Variants in LMO7 observed in about 807,000 individuals in gnomAD.
LMO7 encodes the protein LIM domain only protein 7.
LMO7 carries 120 observed loss-of-function variants against 206.5 expected under a neutral mutation model. The ratio of observed to expected loss-of-function variants is 0.58; its 90% CI spans 0.50 to 0.68. The LOEUF (loss-of-function observed/expected upper bound fraction) is 0.68. LMO7 is among the 30% of genes least tolerant of loss of function. The probability of loss-of-function intolerance (pLI) is 0.00; values close to 1 mark genes in which losing one functional copy is unlikely to be tolerated. For synonymous variants in LMO7, 706 were observed against 681.5 expected (o/e 1.04, Z -0.56); for missense variants, 1,959 against 1,957.9 (o/e 1.00, Z -0.01).
At chr13:75,749,644 T>C (rs2047118427) in intron 3 of LMO7, among the ~76,000 whole-genome samples, 1 of 152,206 alleles carries the variant, frequency 6.6e-6, no homozygotes, top group Non-Finnish European at 1.5e-5. Context: ...TGGCTGTTGC[T>C]CCAGCTCTGC....
exon 1 of LMO7, chr13:75,621,861 C>A: frequency 1.9e-6 from 3 of 1,583,070 alleles, no homozygotes; most frequent in Middle Eastern, 1.7e-4. Context: ...GAGTCTGCAG[C>A]AAAAAAGGTA....
chr13:75,840,970 C>A, intron 22 of LMO7, 139 bp from the exon 23 acceptor site: 1 of 619,138 alleles, frequency 1.6e-6, no homozygotes, highest in Non-Finnish European at 2.8e-6. Context: ...GGACTAAAAT[C>A]TGATTGGCTT....
At chr13:75,805,869 A>G in intron 9 of LMO7, 109 bp downstream of exon 9, 3 of 1,218,138 alleles carry the variant, frequency 2.5e-6, no homozygotes, top group Non-Finnish European at 3.4e-6. Context: ...AAGTCTAATT[A>G]GTTCTCTAGT....
chr13:75,770,083 A>G (rs2049428155), intron 4 of LMO7, among the ~76,000 whole-genome samples: 1 of 152,020 alleles, frequency 6.6e-6, no homozygotes, highest in Non-Finnish European at 1.5e-5. Flanking sequence ...GAGCACACGC[A>G]CACATTATTA....
intron 4 of LMO7, among the ~76,000 whole-genome samples, chr13:75,761,368 T>C (rs1313580489): frequency 2.0e-5 from 3 of 152,182 alleles, no homozygotes; most frequent in African/African-American, 4.8e-5. Flanking sequence ...AGGGGTTATA[T>C]TATAGCTTGC....
chr13:75,840,175 A>G (rs1462680976), intron 21 of LMO7, 65 bp downstream of exon 21: 1 of 1,472,410 alleles, frequency 6.8e-7, no homozygotes, highest in African/African-American at 1.4e-5. Context: ...AGTACACCGT[A>G]GCATGCTTAC....
At chr13:75,722,980 G>T (rs1285901112) in intron 2 of LMO7, among the ~76,000 whole-genome samples, 1 of 152,082 alleles carries the variant, frequency 6.6e-6, no homozygotes, top group East Asian at 1.9e-4. Flanking sequence ...GGATGCAAAG[G>T]CGTAAGAATG....
chr13:75,827,615 G>A (rs1469019396), intron 15 of LMO7, among the ~76,000 whole-genome samples: 4 of 152,228 alleles, frequency 2.6e-5, no homozygotes, highest in Admixed American at 6.5e-5. Flanking sequence ...GTGACCCAAG[G>A]CAAGGAAGAG....
intron 3 of LMO7, among the ~76,000 whole-genome samples, chr13:75,743,228 G>A (rs1433501381): frequency 2.0e-5 from 3 of 152,180 alleles, no homozygotes; most frequent in Admixed American, 6.5e-5. Context: ...AACAGGTGCT[G>A]GTGAGGTTGT....
At chr13:75,628,768 C>T (rs2034530291) in intron 2 of LMO7, among the ~76,000 whole-genome samples, 1 of 152,116 alleles carries the variant, frequency 6.6e-6, no homozygotes, top group East Asian at 1.9e-4. Flanking sequence ...CCAACAGGAC[C>T]TCTTCTCTTA....
In LMO7 at chr13:75,804,476, A is replaced by G. The variant is rs1381953609; in HGVS notation, c.849A>G (p.Lys283=). The change falls in exon 8 of 31, where the codon AAA becomes AAG. Residue 283 remains lysine (K), a synonymous_variant. Transcript: ENST00000377534. ...CTCTGAGAAAGAAAAAGCCAGACAA[A>G]CATGAGGATAACAGAAGAAGTTGGG... ...PAPLRKKKPD[K]HEDNRRSWAS... 1.2e-5 allele frequency: 20 copies of G among 1,614,074 alleles called. No individual in the cohort carries two copies. The highest frequency in any genetic ancestry group is 1.6e-5 in the Non-Finnish European group (19 of 1,180,014).
chr13:75,637,631 G>T (rs1593972001), intron 1 of LMO7, among the ~76,000 whole-genome samples: 1 of 152,234 alleles, frequency 6.6e-6, no homozygotes, highest in East Asian at 1.9e-4. Flanking sequence ...GCCACGTGCT[G>T]GTTTAGTTAA....
chr13:75,660,931 T>G (rs2038532563), intron 1 of LMO7, among the ~76,000 whole-genome samples: 1 of 152,130 alleles, frequency 6.6e-6, no homozygotes, highest in Non-Finnish European at 1.5e-5. Flanking sequence ...GGCAACAGAA[T>G]TTAGAACGTA....
chr13:75,718,590 C>A (rs545691045), intron 2 of LMO7, among the ~76,000 whole-genome samples: 1 of 152,236 alleles, frequency 6.6e-6, no homozygotes, highest in Admixed American at 6.5e-5. Flanking sequence ...TTATCAACGT[C>A]CCCCACCAGA....
At chr13:75,658,655 C>T (rs2038277177) in intron 1 of LMO7, among the ~76,000 whole-genome samples, 1 of 152,150 alleles carries the variant, frequency 6.6e-6, no homozygotes, top group Admixed American at 6.5e-5. Context: ...GCGATCTCGG[C>T]TCACTGCAAG....
chr13:75,765,371 C>CTTTTTTTTTT, intron 4 of LMO7, among the ~76,000 whole-genome samples: 1 of 118,814 alleles, frequency 8.4e-6, no homozygotes, highest in Non-Finnish European at 1.8e-5. Flanking sequence ...ACATCTTCAT[C>CTTTTTTTTTT]TTTTTTTTTT....
chr13:75,762,807 T>C (rs951681292), intron 4 of LMO7, among the ~76,000 whole-genome samples: 1 of 152,144 alleles, frequency 6.6e-6, no homozygotes. Flanking sequence ...CTTAAGAACA[T>C]TTCTCCTGAT....
intron 4 of LMO7, among the ~76,000 whole-genome samples, chr13:75,763,385 T>A (rs2048437212): frequency 6.6e-6 from 1 of 152,170 alleles, no homozygotes; most frequent in Non-Finnish European, 1.5e-5. Context: ...AATAGTCATG[T>A]GGAAATGAAG....
At chr13:75,838,431 T>TA in intron 20 of LMO7, 1 of 835,518 alleles carries the variant, frequency 1.2e-6, no homozygotes, top group Non-Finnish European at 1.7e-6. Context: ...CTAAACATTT[T>TA]ACTTTTTTTT....
Sources: gnomAD v4.1 joint callset for allele counts (sites outside exome capture counted in the v4.1 genomes callset) on GRCh38, gnomAD v4.1.1 for gene constraint, MANE v1.5 for transcripts, NCBI Gene and HGNC (gene_info 2026-07-23, HGNC 2026-07-21) for gene names.